The following LRMDA variants were observed in gnomAD, a reference collection of about 807,000 sequenced individuals.
LRMDA encodes the protein leucine rich melanocyte differentiation associated.
LRMDA carries 18 observed loss-of-function variants against 29.8 expected under a neutral mutation model. The observed-to-expected ratio is 0.60, with a 90% CI of 0.42 to 0.90. LRMDA has a LOEUF of 0.90. Among genes scored for constraint, LRMDA ranks in the 40% least tolerant of loss-of-function variants. The pLI is 0.00. For missense variants in LRMDA, 273 were observed against 273.9 expected, an observed-to-expected ratio of 1.00 and a Z score of 0.02; for synonymous variants, 125 against 109.4, an observed-to-expected ratio of 1.14 and a Z score of -0.89.
At chr10:75,618,991 G>T (rs1841146496) in intron 2 of LRMDA, among the ~76,000 whole-genome samples, 1 of 151,962 alleles carries the variant, frequency 6.6e-6, no homozygotes, top group African/African-American at 2.4e-5. Flanking sequence ...TAGAGACGGG[G>T]TTTCACCGTG....
intron 2 of LRMDA, among the ~76,000 whole-genome samples, chr10:75,931,222 G>A (rs1222462769): frequency 6.6e-6 from 1 of 152,160 alleles, no homozygotes; most frequent in Non-Finnish European, 1.5e-5. Flanking sequence ...AGATGTCATG[G>A]GCATTGTGAA....
At chr10:76,409,804 C>T (rs1284945548) in intron 6 of LRMDA, among the ~76,000 whole-genome samples, 1 of 152,178 alleles carries the variant, frequency 6.6e-6, no homozygotes, top group East Asian at 1.9e-4. Flanking sequence ...TTGCTACTTA[C>T]TGGGCAGTGT....
intron 5 of LRMDA, among the ~76,000 whole-genome samples, chr10:76,319,755 G>A (rs1014621836): frequency 3.6e-4 from 9 of 25,064 alleles, no homozygotes; most frequent in African/African-American, 1.1e-3. Context: ...CTTGAAAGAG[G>A]CTGACTATTT....
At chr10:75,582,523 G>T (rs1307207041) in intron 2 of LRMDA, among the ~76,000 whole-genome samples, 1 of 152,216 alleles carries the variant, frequency 6.6e-6, no homozygotes, top group Non-Finnish European at 1.5e-5. Flanking sequence ...GCTGGGCAGG[G>T]TAGCAGGGGG....
intron 5 of LRMDA, among the ~76,000 whole-genome samples, chr10:76,299,155 C>CTG (rs1309321930): frequency 1.1e-5 from 1 of 92,130 alleles, no homozygotes; most frequent in Non-Finnish European, 2.2e-5. Flanking sequence ...TAGAGAAGAG[C>CTG]CGTGTGTGTG....
chr10:76,127,230 T>G (rs1053970902), intron 5 of LRMDA, among the ~76,000 whole-genome samples: 3 of 152,228 alleles, frequency 2.0e-5, no homozygotes, highest in African/African-American at 4.8e-5. Context: ...TCTCATTATT[T>G]AAATACCATC....
At chr10:76,359,464 T>A (rs1841283296) in intron 6 of LRMDA, among the ~76,000 whole-genome samples, 1 of 152,008 alleles carries the variant, frequency 6.6e-6, no homozygotes, top group Admixed American at 6.6e-5. Context: ...GTTGGTAGAG[T>A]GGATAGATAG....
At chr10:76,462,484 T>C (rs1027602603) in intron 6 of LRMDA, among the ~76,000 whole-genome samples, 6 of 152,218 alleles carry the variant, frequency 3.9e-5, no homozygotes, top group African/African-American at 1.4e-4. Context: ...CAGCTCCTTT[T>C]TGTTAACATT....
intron 2 of LRMDA, among the ~76,000 whole-genome samples, chr10:75,553,625 A>G (rs1421321197): frequency 2.0e-5 from 3 of 152,116 alleles, no homozygotes; most frequent in Non-Finnish European, 4.4e-5. Flanking sequence ...CTCTATATCT[A>G]TGCAAGATTC....
intron 5 of LRMDA, among the ~76,000 whole-genome samples, chr10:76,262,008 G>T (rs867790132): frequency 6.6e-6 from 1 of 152,056 alleles, no homozygotes; most frequent in Non-Finnish European, 1.5e-5. Flanking sequence ...TGAGGTGGGA[G>T]GATCTCTTGA....
intron 2 of LRMDA, among the ~76,000 whole-genome samples, chr10:75,788,891 T>G (rs1481234100): frequency 6.6e-6 from 1 of 152,266 alleles, no homozygotes; most frequent in African/African-American, 2.4e-5. Flanking sequence ...AACTCTTGTC[T>G]CCTTTTCAAG....
chr10:75,568,397 A>G (rs1472240184), intron 2 of LRMDA, among the ~76,000 whole-genome samples: 1 of 152,222 alleles, frequency 6.6e-6, no homozygotes, highest in Non-Finnish European at 1.5e-5. Context: ...CATCTTGCAT[A>G]GGGTTGGATT....
chr10:75,754,083 T>C (rs1438562861), intron 2 of LRMDA, among the ~76,000 whole-genome samples: 3 of 152,366 alleles, frequency 2.0e-5, no homozygotes, highest in Non-Finnish European at 2.9e-5. Context: ...CTTCTGTATA[T>C]GCACATTCCT....
chr10:76,016,902 C>G (rs936188551), intron 2 of LRMDA, among the ~76,000 whole-genome samples: 5 of 152,172 alleles, frequency 3.3e-5, no homozygotes, highest in Non-Finnish European at 5.9e-5. Context: ...GAAACCACTT[C>G]CTTAGGCCTG....
chr10:75,630,505 C>T (rs1841309475), intron 2 of LRMDA, among the ~76,000 whole-genome samples: 1 of 152,132 alleles, frequency 6.6e-6, no homozygotes, highest in Non-Finnish European at 1.5e-5. Context: ...CCTAGTAGTG[C>T]CAGGTTTCCA....
At chr10:76,432,296 T>C (rs1306127870) in intron 6 of LRMDA, among the ~76,000 whole-genome samples, 2 of 152,162 alleles carry the variant, frequency 1.3e-5, no homozygotes, top group Non-Finnish European at 2.9e-5. Flanking sequence ...AGCCCTGAGC[T>C]GTAGGGCTGT....
At chr10:76,014,805 G>A (rs940352756) in intron 2 of LRMDA, among the ~76,000 whole-genome samples, 1 of 152,182 alleles carries the variant, frequency 6.6e-6, no homozygotes, top group Non-Finnish European at 1.5e-5. Flanking sequence ...GGATCAGTGA[G>A]CGTGGCTCAG....
At chr10:76,545,179 TTG>T (rs1345725685) in intron 6 of LRMDA, among the ~76,000 whole-genome samples, 35 of 27,830 alleles carry the variant, frequency 1.3e-3, no homozygotes, top group Non-Finnish European at 2.5e-3. Context: ...GTTTTTTATT[TTG>T]TTTTTTTTTT....
At chr10:75,863,996 T>A (rs970601296) in intron 2 of LRMDA, among the ~76,000 whole-genome samples, 5 of 152,208 alleles carry the variant, frequency 3.3e-5, no homozygotes, top group African/African-American at 1.2e-4. Flanking sequence ...GGTTTAATGT[T>A]ACTTCTCTGC....
Sources: gnomAD v4.1 joint callset for allele counts (sites outside exome capture counted in the v4.1 genomes callset) on GRCh38, gnomAD v4.1.1 for gene constraint, MANE v1.5 for transcripts, NCBI Gene and HGNC (gene_info 2026-07-23, HGNC 2026-07-21) for gene names.